The following SLC4A10 variants were observed in gnomAD, a reference collection of about 807,000 sequenced individuals.
The protein encoded by SLC4A10 is sodium-driven chloride bicarbonate exchanger.
In SLC4A10, 42 loss-of-function variants were observed where a neutral mutation model predicts 137.7. The observed-to-expected ratio is 0.30, with a 90% CI of 0.24 to 0.39. SLC4A10 has a LOEUF of 0.39. Ranked by LOEUF, SLC4A10 falls within the 10% of genes least tolerant of loss-of-function variation. SLC4A10 has a pLI of 1.00. For missense variants in SLC4A10, 925 were observed against 1,355.0 expected, an observed-to-expected ratio of 0.68 and a Z score of 4.98; for synonymous variants, 474 against 464.1, an observed-to-expected ratio of 1.02 and a Z score of -0.27.
chr2:161,787,585 A>C (rs13390292), intron 2 of SLC4A10, among the ~76,000 whole-genome samples: 39,613 of 151,964 alleles, frequency 0.26, 7,594 homozygotes, highest in African/African-American at 0.55. Context: ...TACCCCCTAT[A>C]CCATCTTTCT....
intron 3 of SLC4A10, among the ~76,000 whole-genome samples, chr2:161,804,946 C>T (rs1194692971): frequency 6.6e-6 from 1 of 152,062 alleles, no homozygotes; most frequent in Non-Finnish European, 1.5e-5. Flanking sequence ...ACTGATAGTG[C>T]CCAAGTTTCA....
chr2:161,684,972 A>C (rs2041231335), intron 1 of SLC4A10, among the ~76,000 whole-genome samples: 1 of 152,178 alleles, frequency 6.6e-6, no homozygotes, highest in Non-Finnish European at 1.5e-5. Context: ...GCATATTAAG[A>C]TGCTGTAGGA....
At chr2:161,910,966 A>T (rs905161512) in intron 15 of SLC4A10, among the ~76,000 whole-genome samples, 1 of 152,026 alleles carries the variant, frequency 6.6e-6, no homozygotes, top group Admixed American at 6.5e-5. Flanking sequence ...AAATATGTAA[A>T]TAAACATACA....
chr2:161,976,945 AG>A, intron 25 of SLC4A10, 69 bp downstream of exon 25: 1 of 780,772 alleles, frequency 1.3e-6, no homozygotes, highest in Non-Finnish European at 2.0e-6. Flanking sequence ...CATAAGCAAA[AG>A]AATAATATTA....
chr2:161,759,629 G>A (rs1353917981), intron 1 of SLC4A10, among the ~76,000 whole-genome samples: 1 of 151,866 alleles, frequency 6.6e-6, no homozygotes, highest in African/African-American at 2.4e-5. Context: ...ATGTATATCT[G>A]TTGATCATTT....
intron 26 of SLC4A10, among the ~76,000 whole-genome samples, chr2:161,978,085 G>T (rs4316948): frequency 0.82 from 124,923 of 152,068 alleles, 51,418 homozygotes; most frequent in East Asian, 0.97. Flanking sequence ...ATTTGTCCCT[G>T]TAAGAAATTG....
In SLC4A10 at chr2:161,855,279, G is replaced by A. The variant is rs186428897; in HGVS notation, c.577+149G>A. ...CTTAAAAGTCATTTTCTTTTACCCTGTTATTTGAGATAAAAGAAGTTGAAT... is the reference window on the plus strand; with the variant it reads ...CTTAAAAGTCATTTTCTTTTACCCTATTATTTGAGATAAAAGAAGTTGAAT... On this transcript the variant is annotated intron_variant, in intron 5 of 26. Coordinates refer to ENST00000446997, the MANE Select transcript of SLC4A10 (RefSeq NM_001178015.2). 47 of 701,286 alleles carry A rather than the reference G, an allele frequency of 6.7e-5. No homozygotes were observed. The Admixed American group carries it at 1.3e-3, about 20-fold the overall frequency. The allele number at this position is 701,286 out of a possible 1,614,324, so 43.4% of individuals were successfully genotyped here.
chr2:161,906,592 A>T (rs1684415137), intron 15 of SLC4A10, among the ~76,000 whole-genome samples: 1 of 152,168 alleles, frequency 6.6e-6, no homozygotes, highest in Non-Finnish European at 1.5e-5. Context: ...TATTGTGCTT[A>T]TATGCAGTTT....
rs567598753 is a variant in SLC4A10 at position 161,947,599 on chromosome 2, C to T, written c.2137C>T (p.Arg713Trp). 6.8e-6 allele frequency: 11 copies of T among 1,612,686 alleles called. No individual in the cohort carries two copies. Among genetic ancestry groups the T allele is most frequent in the East Asian group, 2.2e-5 (1 of 44,852 alleles). Residue 713 changes from arginine to tryptophan, a missense_variant, in exon 17 of 27, where the codon CGG becomes TGG. Arg to Trp is a moderately radical substitution (Grantham distance 101). Coordinates refer to ENST00000446997, the MANE Select transcript of SLC4A10 (RefSeq NM_001178015.2). Reference sequence around the variant, plus strand: ...ATCATTGCATGGAGAGTATGTTGGACGGGCCTGTGGCCATGATCACCCATA... The same window carrying T: ...ATCATTGCATGGAGAGTATGTTGGATGGGCCTGTGGCCATGATCACCCATA... ...CKSLHGEYVG[R>W]ACGHDHPYVP...
Position 161,806,793 on chromosome 2 carries a change from G to C in SLC4A10, c.277+2198G>C, listed in dbSNP as rs112232374. ...TTCCCACATTTTCCTATCTTCTTCT[G>C]ACCCCTCCAAACTGTTCCAACTTCT... On this transcript the variant is annotated intron_variant, in intron 3 of 26. Coordinates refer to ENST00000446997, the MANE Select transcript of SLC4A10 (RefSeq NM_001178015.2). Among the ~76,000 whole-genome samples, 979 of 152,152 alleles carry C rather than the reference G, an allele frequency of 6.4e-3. 11 individuals carry two copies. The highest frequency in any genetic ancestry group is 0.022 in the African/African-American group (930 of 41,496).
At chr2:161,777,149 T>G (rs1376761012) in intron 2 of SLC4A10, among the ~76,000 whole-genome samples, 1 of 151,476 alleles carries the variant, frequency 6.6e-6, no homozygotes, top group Non-Finnish European at 1.5e-5. Flanking sequence ...TAATTTTTAA[T>G]TTTTTAAAAA....
intron 1 of SLC4A10, among the ~76,000 whole-genome samples, chr2:161,745,819 T>C (rs2048333587): frequency 6.6e-6 from 1 of 152,168 alleles, no homozygotes; most frequent in Non-Finnish European, 1.5e-5. Flanking sequence ...CGGTGGCTCT[T>C]GCAGACTAAA....
chr2:161,868,833 A>C (rs1428491556), intron 6 of SLC4A10, among the ~76,000 whole-genome samples: 1 of 151,684 alleles, frequency 6.6e-6, no homozygotes, highest in South Asian at 2.1e-4. Context: ...ATAACTTACC[A>C]TGAATATAAT....
intron 1 of SLC4A10, among the ~76,000 whole-genome samples, chr2:161,754,411 G>A (rs575220613): frequency 6.6e-6 from 1 of 152,042 alleles, no homozygotes; most frequent in Non-Finnish European, 1.5e-5. Flanking sequence ...TAATTTTTTT[G>A]GGCTGCTAGG....
chr2:161,905,383 T>G (rs1684115810), intron 14 of SLC4A10, among the ~76,000 whole-genome samples: 1 of 152,178 alleles, frequency 6.6e-6, no homozygotes, highest in Non-Finnish European at 1.5e-5. Flanking sequence ...ACGTCCCCAC[T>G]GATCTGACAA....
chr2:161,962,787 A>G lies in SLC4A10; in HGVS notation c.2863-1348A>G, dbSNP rs981774184. On this transcript the variant is annotated intron_variant, in intron 21 of 26. Coordinates refer to ENST00000446997, the MANE Select transcript of SLC4A10 (RefSeq NM_001178015.2). ...AGAACACAGAAGGGAAGATAGGTTTATGTTGAGTTTGAGATTCCTATTATG... is the reference window on the plus strand; with the variant it reads ...AGAACACAGAAGGGAAGATAGGTTTGTGTTGAGTTTGAGATTCCTATTATG... Among the ~76,000 whole-genome samples the G allele has an allele frequency of 2.0e-5, 3 of 152,176 alleles. 1 individual carries two copies. The highest frequency in any genetic ancestry group is 4.4e-5 in the Non-Finnish European group (3 of 68,006).
At chr2:161,896,230 G>C (rs1256278675) in intron 11 of SLC4A10, among the ~76,000 whole-genome samples, 4 of 151,778 alleles carry the variant, frequency 2.6e-5, no homozygotes, top group African/African-American at 9.7e-5. Flanking sequence ...TTGTAGATAT[G>C]CAGCGTTATT....
At chr2:161,767,139 ATGTGTGTG>A (rs1245094195) in intron 1 of SLC4A10, among the ~76,000 whole-genome samples, 4 of 57,128 alleles carry the variant, frequency 7.0e-5, no homozygotes, top group African/African-American at 1.1e-4. Context: ...ATATATATAT[ATGTGTGTG>A]TGTGTGTGTG....
chr2:161,851,664 A>G (rs2059840476), intron 4 of SLC4A10, among the ~76,000 whole-genome samples: 1 of 152,172 alleles, frequency 6.6e-6, no homozygotes, highest in Admixed American at 6.6e-5. Context: ...AAATTTTATT[A>G]TAAGAAAGGG....
Sources: gnomAD v4.1 joint callset for allele counts (sites outside exome capture counted in the v4.1 genomes callset) on GRCh38, gnomAD v4.1.1 for gene constraint, MANE v1.5 for transcripts, NCBI Gene and HGNC (gene_info 2026-07-23, HGNC 2026-07-21) for gene names.